Variants in RPS6KB1 observed in about 807,000 individuals in gnomAD.
RPS6KB1 encodes ribosomal protein S6 kinase beta-1.
Under a neutral mutation model 70.2 loss-of-function variants are expected in RPS6KB1, and 12 were observed. The ratio of observed to expected loss-of-function variants is 0.17; its 90% CI spans 0.11 to 0.28. The LOEUF (loss-of-function observed/expected upper bound fraction) is 0.28. Ranked by LOEUF, RPS6KB1 falls within the 10% of genes least tolerant of loss-of-function variation. The pLI, the probability that RPS6KB1 is intolerant of heterozygous loss-of-function variation, is 1.00. For missense variants in RPS6KB1, 270 were observed against 646.6 expected, an observed-to-expected ratio of 0.42 and a Z score of 6.32; for synonymous variants, 175 against 211.2, an observed-to-expected ratio of 0.83 and a Z score of 1.49.
intron 13 of RPS6KB1, among the ~76,000 whole-genome samples, chr17:59,941,400 C>T (rs376443711): frequency 1.3e-5 from 2 of 150,226 alleles, no homozygotes; most frequent in Admixed American, 6.7e-5. Flanking sequence ...TCACAGTTCA[C>T]TGCAGCCTTG....
rs2045078538 is a variant in RPS6KB1 at position 59,949,081 on chromosome 17, A to C, written c.*2293A>C. 1 of 152,612 alleles carries C rather than the reference A, an allele frequency of 6.6e-6. No individual in the cohort carries two copies. The highest frequency in any genetic ancestry group is 2.4e-5 in the African/African-American group (1 of 41,464). The allele number at this position is 152,612 out of a possible 1,614,324, so 9.5% of individuals were successfully genotyped here. On this transcript the variant is annotated 3_prime_UTR_variant, in exon 15 of 15. Transcript: ENST00000225577. ...TTAGTAGTGCCAGCAATAGTGGCAA[A>C]CACTGCAACTTTTCTGCATAAAAAG...
intron 3 of RPS6KB1, 68 bp downstream of exon 3, chr17:59,912,872 C>T (rs1301167519): frequency 6.6e-7 from 1 of 1,521,058 alleles, no homozygotes; most frequent in Non-Finnish European, 9.1e-7. Context: ...GCCCTGGTTC[C>T]AGCAGTCATC....
At chr17:59,943,909 C>CAT (rs200356416) in intron 13 of RPS6KB1, among the ~76,000 whole-genome samples, 12 of 116,084 alleles carry the variant, frequency 1.0e-4, no homozygotes, top group East Asian at 6.3e-4. Flanking sequence ...TATATATACA[C>CAT]ATATATATAT....
At chr17:59,942,944 A>G (rs575467208) in intron 13 of RPS6KB1, among the ~76,000 whole-genome samples, 4 of 151,974 alleles carry the variant, frequency 2.6e-5, no homozygotes, top group African/African-American at 9.7e-5. Flanking sequence ...GTGCCACTGC[A>G]CTCCAGCCTG....
chr17:59,938,141 T>G (rs76837812), intron 12 of RPS6KB1, among the ~76,000 whole-genome samples: 7 of 150,734 alleles, frequency 4.6e-5, no homozygotes, highest in African/African-American at 7.3e-5. Flanking sequence ...CTTAGTTGTT[T>G]TTTTTTTTTT....
chr17:59,910,610 C>G lies in RPS6KB1; in HGVS notation c.190C>G (p.Leu64Val). Residue 64 changes from leucine to valine, a missense_variant and splice_region_variant, in exon 2 of 15, where the codon CTT becomes GTT. Transcript: ENST00000225577. The stretch of plus-strand genomic sequence containing the variant: ...CCATGGGGGAGTTGGACCATATGAA[C>G]TGTAAGTTTATATGAAGAGATTTTC... ...MDHGGVGPYE[L>V]GMEHCEKFEI... The G allele has an allele frequency of 3.8e-6, 6 of 1,572,664 alleles. No individual in the cohort carries two copies. Among genetic ancestry groups the G allele is most frequent in the Non-Finnish European group, 5.2e-6 (6 of 1,151,510 alleles).
chr17:59,900,586 G>A (rs1423023948), intron 1 of RPS6KB1, among the ~76,000 whole-genome samples: 1 of 151,908 alleles, frequency 6.6e-6, no homozygotes, highest in Non-Finnish European at 1.5e-5. Flanking sequence ...GGCTGGTCTC[G>A]AACTCCCAAT....
At position 59,947,234 on chromosome 17, in the gene RPS6KB1, A is replaced by G; in HGVS notation, c.*446A>G. ...AAGCTTGGTCAAACTTTTTCCAGCAAAATGGAAGCAAAGACAAAAGAAACT... is the reference window on the plus strand; with the variant it reads ...AAGCTTGGTCAAACTTTTTCCAGCAGAATGGAAGCAAAGACAAAAGAAACT... On this transcript the variant is annotated 3_prime_UTR_variant, in exon 15 of 15. Transcript: ENST00000225577. The G allele has an allele frequency of 9.7e-7, 1 of 1,027,970 alleles. No individual in the cohort carries two copies. Among genetic ancestry groups the G allele is most frequent in the Non-Finnish European group, 1.2e-6 (1 of 858,040 alleles). 63.7% of individuals were successfully genotyped at this position (1,027,970 alleles called of 1,614,324 possible). A position where few individuals can be genotyped will look rare whatever the true frequency, so the allele number is the denominator to read the frequency against.
chr17:59,898,885 A>C (rs1386258352), intron 1 of RPS6KB1, among the ~76,000 whole-genome samples: 2 of 151,964 alleles, frequency 1.3e-5, no homozygotes, highest in African/African-American at 2.4e-5. Flanking sequence ...ATAAAGCTTA[A>C]GGCAGCAGAA....
chr17:59,903,514 T>A (rs1349827193), intron 1 of RPS6KB1, among the ~76,000 whole-genome samples: 1 of 152,118 alleles, frequency 6.6e-6, no homozygotes, highest in East Asian at 1.9e-4. Context: ...ATGAACATTA[T>A]TGCCCAGATC....
At chr17:59,928,467 T>C (rs1175045204) in intron 5 of RPS6KB1, among the ~76,000 whole-genome samples, 1 of 151,740 alleles carries the variant, frequency 6.6e-6, no homozygotes, top group Non-Finnish European at 1.5e-5. Context: ...CTACAACCTC[T>C]GCCTCTCGAG....
At chr17:59,916,261 C>T (rs1219093007) in intron 4 of RPS6KB1, among the ~76,000 whole-genome samples, 2 of 151,900 alleles carry the variant, frequency 1.3e-5, no homozygotes, top group Non-Finnish European at 2.9e-5. Flanking sequence ...CCACCACACC[C>T]GGCTAATTTT....
intron 1 of RPS6KB1, among the ~76,000 whole-genome samples, chr17:59,904,476 C>G (rs2144720511): frequency 6.6e-6 from 1 of 151,838 alleles, no homozygotes; most frequent in African/African-American, 2.4e-5. Context: ...TCACTGCAAC[C>G]TCTGCCTCCT....
At chr17:59,940,783 T>C (rs965118942) in intron 12 of RPS6KB1, 53 bp from the exon 13 acceptor site, 28 of 1,112,700 alleles carry the variant, frequency 2.5e-5, no homozygotes, top group Non-Finnish European at 3.6e-5. Flanking sequence ...GTGCATTTGA[T>C]TGATGTAACA....
intron 5 of RPS6KB1, among the ~76,000 whole-genome samples, chr17:59,927,187 G>A (rs550513160): frequency 6.6e-6 from 1 of 152,060 alleles, no homozygotes; most frequent in African/African-American, 2.4e-5. Context: ...GAGTTCAAGC[G>A]ATTCTCCTGC....
chr17:59,923,584 C>T (rs1466060006), intron 4 of RPS6KB1, among the ~76,000 whole-genome samples: 3 of 149,894 alleles, frequency 2.0e-5, no homozygotes, highest in Admixed American at 6.6e-5. Flanking sequence ...GATCTCGGCT[C>T]ACTGCAGCCT....
chr17:59,938,630 A>T (rs911950238), intron 12 of RPS6KB1, among the ~76,000 whole-genome samples: 2 of 151,650 alleles, frequency 1.3e-5, no homozygotes, highest in African/African-American at 4.8e-5. Flanking sequence ...AGTTAAATTT[A>T]GGTGGTTGAT....
At chr17:59,930,044 C>T in intron 5 of RPS6KB1, 73 bp from the exon 6 acceptor site, 1 of 819,402 alleles carries the variant, frequency 1.2e-6, no homozygotes, top group Non-Finnish European at 2.1e-6. Flanking sequence ...AAGGAAAGCA[C>T]AAACTCTCTC....
At chr17:59,919,828 A>T (rs992182803) in intron 4 of RPS6KB1, among the ~76,000 whole-genome samples, 10 of 151,842 alleles carry the variant, frequency 6.6e-5, no homozygotes, top group African/African-American at 2.2e-4. Flanking sequence ...CAGTTCCTTT[A>T]ATTTTTTCCC....
Sources: gnomAD v4.1 joint callset for allele counts (sites outside exome capture counted in the v4.1 genomes callset) on GRCh38, gnomAD v4.1.1 for gene constraint, MANE v1.5 for transcripts, NCBI Gene and HGNC (gene_info 2026-07-23, HGNC 2026-07-21) for gene names.